CNTNAP4: variants seen among roughly 807,000 people sequenced by gnomAD.
The protein encoded by CNTNAP4 is contactin-associated protein-like 4.
Under a neutral mutation model 148.4 loss-of-function variants are expected in CNTNAP4, and 98 were observed. The observed-to-expected ratio is 0.66, with a 90% CI of 0.56 to 0.78. CNTNAP4 has a LOEUF of 0.78. Ranked by LOEUF, CNTNAP4 falls within the 30% of genes least tolerant of loss-of-function variation. The pLI is 0.00. For synonymous variants in CNTNAP4, 730 were observed against 565.1 expected (o/e 1.29, Z -4.14); for missense variants, 1,935 against 1,565.6 (o/e 1.24, Z -3.98).
Position 76,560,708 on chromosome 16 carries a change from A to G in CNTNAP4, c.*2025A>G, listed in dbSNP as rs2085381487. On this transcript the variant is annotated 3_prime_UTR_variant, in exon 24 of 24. Coordinates refer to ENST00000611870, the MANE Select transcript of CNTNAP4 (RefSeq NM_033401.5). The stretch of plus-strand genomic sequence containing the variant: ...CCTATGCCATGACTTTAATTTCCTG[A>G]TTTGTAATCTCTTATTTTATCATTA... Among the ~76,000 whole-genome samples, 1 of 152,160 alleles carries G rather than the reference A, an allele frequency of 6.6e-6. No homozygotes were observed. The highest frequency in any genetic ancestry group is 2.4e-5 in the African/African-American group (1 of 41,438).
chr16:76,525,630 T>C (rs565543740), intron 17 of CNTNAP4, among the ~76,000 whole-genome samples: 1 of 96,486 alleles, frequency 1.0e-5, no homozygotes, highest in East Asian at 2.2e-4. Context: ...ATATGTAGTT[T>C]ATAACTACAT....
At chr16:76,474,536 A>T (rs542639694) in intron 10 of CNTNAP4, among the ~76,000 whole-genome samples, 1 of 152,286 alleles carries the variant, frequency 6.6e-6, no homozygotes, top group African/African-American at 2.4e-5. Flanking sequence ...GGAAGTTCTC[A>T]TCCTTAGTTT....
At chr16:76,279,008 G>A (rs1035874070) in intron 1 of CNTNAP4, among the ~76,000 whole-genome samples, 1 of 152,160 alleles carries the variant, frequency 6.6e-6, no homozygotes, top group Non-Finnish European at 1.5e-5. Flanking sequence ...TTTGAGTGTT[G>A]TGATAATCTC....
chr16:76,410,753 A>G (rs528731603), intron 3 of CNTNAP4, among the ~76,000 whole-genome samples: 282 of 151,836 alleles, frequency 1.9e-3, no homozygotes, highest in Non-Finnish European at 2.4e-3. Context: ...ATAACACACC[A>G]TCATACATTT....
rs758257307 is a variant in CNTNAP4, at chr16:76,558,480, C to T, written c.3734-10C>T. 1 of 1,523,486 alleles carries T rather than the reference C, an allele frequency of 6.6e-7. No homozygotes were observed. Among genetic ancestry groups the T allele is most frequent in the Non-Finnish European group, 9.0e-7 (1 of 1,111,832 alleles). The allele number at this position is 1,523,486 out of a possible 1,614,324, so 94.4% of individuals were successfully genotyped here. ...GAAATTCTGACTTTATATTTCTTTTCTCTCTCTAGGTCTGATAGCTGTTGT... is the reference window on the plus strand; with the variant it reads ...GAAATTCTGACTTTATATTTCTTTTTTCTCTCTAGGTCTGATAGCTGTTGT... On this transcript the variant is annotated splice_polypyrimidine_tract_variant and intron_variant, in intron 23 of 23. Transcript: ENST00000611870.
Position 76,538,239 on chromosome 16 carries a change from A to G in CNTNAP4, c.3119A>G (p.Glu1040Gly). 1 of 1,611,338 alleles carries G rather than the reference A, an allele frequency of 6.2e-7. No homozygotes were observed. Among genetic ancestry groups the G allele is most frequent in the Non-Finnish European group, 8.5e-7 (1 of 1,178,996 alleles). Residue 1040 changes from glutamate (E) to glycine (G), a missense_variant, in exon 19 of 24, where the codon GAA becomes GGA. By Grantham distance (98) the Glu-to-Gly change is moderately conservative. Coordinates refer to ENST00000611870, the MANE Select transcript of CNTNAP4 (RefSeq NM_033401.5). Reference sequence around the variant, plus strand: ...CATGGTGATATGAAGCTGAGCAGAGAAATGATCAAATTTAGTTTCCGAACA... The same window carrying G: ...CATGGTGATATGAAGCTGAGCAGAGGAATGATCAAATTTAGTTTCCGAACA... ...SFHGDMKLSR[E>G]MIKFSFRTTR... is the part of the protein sequence containing the mutation.
chr16:76,344,811 G>A (rs989104415), intron 2 of CNTNAP4, among the ~76,000 whole-genome samples: 3 of 152,152 alleles, frequency 2.0e-5, no homozygotes, highest in Non-Finnish European at 4.4e-5. Flanking sequence ...TTCCTTCTAG[G>A]TAAATACTCA....
At chr16:76,429,268 G>C (rs774230367) in intron 4 of CNTNAP4, among the ~76,000 whole-genome samples, 3 of 152,076 alleles carry the variant, frequency 2.0e-5, no homozygotes, top group Non-Finnish European at 4.4e-5. Flanking sequence ...TCTTTGGATC[G>C]TAGAGCTTAG....
intron 12 of CNTNAP4, among the ~76,000 whole-genome samples, chr16:76,486,637 G>C (rs1285013963): frequency 6.6e-6 from 1 of 152,190 alleles, no homozygotes; most frequent in Non-Finnish European, 1.5e-5. Context: ...TTGCTCTGAA[G>C]AGATTTAAAG....
chr16:76,327,866 T>C (rs887011600), intron 2 of CNTNAP4, among the ~76,000 whole-genome samples: 1 of 152,216 alleles, frequency 6.6e-6, no homozygotes, highest in Non-Finnish European at 1.5e-5. Context: ...TGGATACCAG[T>C]AGCTTGTAGT....
chr16:76,535,559 A>C lies in CNTNAP4; in HGVS notation c.2770A>C (p.Arg924=). The change falls in exon 18 of 24, where the codon AGA becomes CGA. Residue 924 remains arginine (R), a synonymous_variant. Coordinates refer to ENST00000611870, the MANE Select transcript of CNTNAP4 (RefSeq NM_033401.5). ...SQLFVGGTAT[R]QRGFLGCIRS... ...TTCCCTTTTAGGTGGAACGGCCACC[A>C]GACAGAGAGGCTTTCTGGGCTGCAT... 1 of 1,612,226 alleles carries C rather than the reference A, an allele frequency of 6.2e-7. No homozygotes were observed. The highest frequency in any genetic ancestry group is 8.5e-7 in the Non-Finnish European group (1 of 1,179,870).
intron 17 of CNTNAP4, among the ~76,000 whole-genome samples, chr16:76,526,423 C>A (rs1486598446): frequency 6.6e-6 from 1 of 152,052 alleles, no homozygotes; most frequent in East Asian, 1.9e-4. Flanking sequence ...TTTCATTTTT[C>A]AAGCTCTCTC....
chr16:76,279,631 A>G (rs1357062409), intron 1 of CNTNAP4, among the ~76,000 whole-genome samples: 1 of 152,166 alleles, frequency 6.6e-6, no homozygotes, highest in Admixed American at 6.5e-5. Context: ...TGCAAAACCT[A>G]TACGATTTTT....
intron 2 of CNTNAP4, among the ~76,000 whole-genome samples, chr16:76,337,960 T>A (rs1168621168): frequency 6.6e-6 from 1 of 152,236 alleles, no homozygotes; most frequent in Non-Finnish European, 1.5e-5. Flanking sequence ...TTCTATTCTT[T>A]TTCAGGGTGC....
At chr16:76,321,269 G>A (rs1962377313) in intron 2 of CNTNAP4, among the ~76,000 whole-genome samples, 1 of 152,176 alleles carries the variant, frequency 6.6e-6, no homozygotes, top group African/African-American at 2.4e-5. Context: ...TTCTTGGATG[G>A]ATCTCTATAA....
chr16:76,518,776 T>C (rs1384747236), intron 15 of CNTNAP4, among the ~76,000 whole-genome samples: 2 of 152,194 alleles, frequency 1.3e-5, no homozygotes, highest in African/African-American at 4.8e-5. Context: ...CAGTCTGCTA[T>C]TGAACATGAA....
intron 9 of CNTNAP4, among the ~76,000 whole-genome samples, chr16:76,462,824 C>A (rs375961486): frequency 6.6e-6 from 1 of 152,204 alleles, no homozygotes; most frequent in Non-Finnish European, 1.5e-5. Flanking sequence ...CACTTCTAAT[C>A]ATGTTGAGGT....
At chr16:76,314,727 C>T (rs1961519035) in intron 1 of CNTNAP4, among the ~76,000 whole-genome samples, 1 of 152,074 alleles carries the variant, frequency 6.6e-6, no homozygotes, top group Non-Finnish European at 1.5e-5. Flanking sequence ...TGCAGCCCAG[C>T]AAGTCTCAGC....
chr16:76,320,407 A>G (rs981766500), intron 2 of CNTNAP4, among the ~76,000 whole-genome samples: 3 of 152,152 alleles, frequency 2.0e-5, no homozygotes, highest in African/African-American at 7.2e-5. Context: ...ATGGTTTGGA[A>G]CATTCTTGGC....
Sources: allele counts gnomAD v4.1 joint callset (sites outside exome capture counted in the v4.1 genomes callset), GRCh38; gene constraint gnomAD v4.1.1; transcripts MANE v1.5; gene names NCBI Gene and HGNC (gene_info 2026-07-23, HGNC 2026-07-21).